IL23R: variants seen among roughly 807,000 people sequenced by gnomAD.
The protein encoded by IL23R is interleukin 23 receptor, also known as interleukin-23 receptor.
In IL23R, 34 loss-of-function variants were observed where a neutral mutation model predicts 56.9. That is an observed-to-expected ratio of 0.60 (90% CI 0.45 to 0.80). The LOEUF (loss-of-function observed/expected upper bound fraction) is 0.80, where lower values mean the gene tolerates loss of function less well. Among genes scored for constraint, IL23R ranks in the 30% least tolerant of loss-of-function variants. The pLI, the probability that IL23R is intolerant of heterozygous loss-of-function variation, is 0.00. For synonymous variants in IL23R, 230 were observed against 249.2 expected, an observed-to-expected ratio of 0.92 and a Z score of 0.73; for missense variants, 635 against 730.0, an observed-to-expected ratio of 0.87 and a Z score of 1.50.
intron 7 of IL23R, among the ~76,000 whole-genome samples, chr1:67,222,376 C>T (rs974675917): frequency 2.0e-5 from 3 of 152,142 alleles, no homozygotes; most frequent in Non-Finnish European, 4.4e-5. Context: ...TTTGGCCTCC[C>T]AAAGTGCTGG....
At chr1:67,227,951 T>C (rs1404628638) in intron 7 of IL23R, among the ~76,000 whole-genome samples, 5 of 8,512 alleles carry the variant, frequency 5.9e-4, no homozygotes, top group Admixed American at 3.3e-3. Context: ...TCTTTCTTTC[T>C]TTCTTTCTTT....
intron 7 of IL23R, among the ~76,000 whole-genome samples, chr1:67,228,118 TTC>T (rs1650837796): frequency 4.7e-5 from 6 of 127,594 alleles, no homozygotes; most frequent in Non-Finnish European, 6.6e-5. Context: ...CTCTCTTTCT[TTC>T]TTTCTTTCCT....
At chr1:67,214,193 A>G (rs1649680141) in intron 6 of IL23R, among the ~76,000 whole-genome samples, 1 of 152,266 alleles carries the variant, frequency 6.6e-6, no homozygotes, top group Non-Finnish European at 1.5e-5. Context: ...ATAAAAAGAA[A>G]GAAAATAAAC....
intron 1 of IL23R, among the ~76,000 whole-genome samples, chr1:67,143,858 T>C (rs1361418250): frequency 1.3e-5 from 2 of 152,072 alleles, no homozygotes; most frequent in South Asian, 2.1e-4. Context: ...AAATGTGTGT[T>C]TGTGTGTGTA....
intron 7 of IL23R, among the ~76,000 whole-genome samples, chr1:67,228,981 G>A (rs928451200): frequency 3.3e-5 from 5 of 152,096 alleles, no homozygotes; most frequent in Non-Finnish European, 7.4e-5. Flanking sequence ...CACAACACAG[G>A]TCACTTCTGT....
intron 3 of IL23R, among the ~76,000 whole-genome samples, chr1:67,179,475 AT>A (rs1285890337): frequency 6.6e-6 from 1 of 151,916 alleles, no homozygotes; most frequent in African/African-American, 2.4e-5. Flanking sequence ...CCCCTGTATC[AT>A]TTTTTATTGC....
At chr1:67,252,286 A>C (rs940538372) in intron 9 of IL23R, among the ~76,000 whole-genome samples, 1 of 152,176 alleles carries the variant, frequency 6.6e-6, no homozygotes, top group African/African-American at 2.4e-5. Context: ...GAAAACCAAA[A>C]ATCCCTGTGA....
exon 1 of IL23R, chr1:67,139,134 T>A (rs527501634): frequency 6.6e-6 from 1 of 152,438 alleles, no homozygotes; most frequent in South Asian, 2.1e-4. Context: ...TTAGAGCTAC[T>A]CTAGACCTCT....
intron 7 of IL23R, among the ~76,000 whole-genome samples, chr1:67,235,163 A>G (rs1334354338): frequency 1.3e-5 from 2 of 152,226 alleles, no homozygotes; most frequent in Non-Finnish European, 2.9e-5. Flanking sequence ...CCATATACCC[A>G]TGGAGCAAAA....
intron 1 of IL23R, among the ~76,000 whole-genome samples, chr1:67,141,595 T>C (rs1435581949): frequency 1.3e-5 from 2 of 151,908 alleles, no homozygotes; most frequent in Admixed American, 6.6e-5. Context: ...CCATCTCTAC[T>C]AAAATTAAAA....
intron 6 of IL23R, among the ~76,000 whole-genome samples, chr1:67,209,183 A>C (rs979667841): frequency 2.0e-5 from 3 of 152,178 alleles, no homozygotes; most frequent in Non-Finnish European, 2.9e-5. Flanking sequence ...TTGATTTTAT[A>C]GGCTCATAGG....
At chr1:67,174,256 A>G (rs942818304) in intron 3 of IL23R, among the ~76,000 whole-genome samples, 1 of 151,846 alleles carries the variant, frequency 6.6e-6, no homozygotes, top group African/African-American at 2.4e-5. Flanking sequence ...GGCTGTACCA[A>G]TTTGTACTTC....
intron 3 of IL23R, among the ~76,000 whole-genome samples, chr1:67,173,957 C>A (rs1646977550): frequency 6.6e-6 from 1 of 152,114 alleles, no homozygotes. Flanking sequence ...GACTTCACTA[C>A]ATATACTTTT....
intron 8 of IL23R, among the ~76,000 whole-genome samples, chr1:67,237,112 G>A (rs1472340992): frequency 6.6e-5 from 10 of 151,978 alleles, no homozygotes; most frequent in African/African-American, 1.2e-4. Flanking sequence ...GTGCAATCTC[G>A]GCTCACTGCA....
intron 9 of IL23R, among the ~76,000 whole-genome samples, chr1:67,252,819 AG>A (rs66505410): frequency 0.4 from 56,827 of 141,688 alleles, 12,085 homozygotes; most frequent in East Asian, 0.71. Flanking sequence ...AAAAAAAAAA[AG>A]AGAGAAGTGA....
Position 67,259,176 on chromosome 1 carries a change from C to T in IL23R, c.*48C>T. 6.3e-7 allele frequency: 1 copy of T among 1,586,126 alleles called. No individual in the cohort carries two copies. Among genetic ancestry groups the T allele is most frequent in the Non-Finnish European group, 8.6e-7 (1 of 1,156,204 alleles). On this transcript the variant is annotated 3_prime_UTR_variant, in exon 11 of 11. Coordinates refer to ENST00000347310, the MANE Select transcript of IL23R (RefSeq NM_144701.3). ...TGAGAAAGCTGCCTTGCAATCTGAA[C>T]TTGGGTTTTCCCTGCAATAGAAATT...
chr1:67,170,824 G>T (rs1646934097), intron 3 of IL23R, among the ~76,000 whole-genome samples: 1 of 152,176 alleles, frequency 6.6e-6, no homozygotes, highest in Non-Finnish European at 1.5e-5. Flanking sequence ...CATTGTGGCT[G>T]CTTGGAAAGT....
At chr1:67,179,774 C>T (rs878859551) in intron 3 of IL23R, among the ~76,000 whole-genome samples, 1 of 152,128 alleles carries the variant, frequency 6.6e-6, no homozygotes, top group Admixed American at 6.6e-5. Context: ...AAATTTCCCT[C>T]TACACACTGC....
intron 7 of IL23R, among the ~76,000 whole-genome samples, chr1:67,232,322 G>A (rs1010096261): frequency 2.6e-5 from 4 of 152,116 alleles, no homozygotes; most frequent in Non-Finnish European, 5.9e-5. Flanking sequence ...GGCTTGTGGG[G>A]TCCAGAGCCC....
Sources: gnomAD v4.1 joint callset for allele counts (sites outside exome capture counted in the v4.1 genomes callset) on GRCh38, gnomAD v4.1.1 for gene constraint, MANE v1.5 for transcripts, NCBI Gene and HGNC (gene_info 2026-07-23, HGNC 2026-07-21) for gene names.